KMT2C: variants seen among roughly 807,000 people sequenced by gnomAD.
KMT2C encodes histone-lysine N-methyltransferase 2C.
Under a neutral mutation model 507.9 loss-of-function variants are expected in KMT2C, and 88 were observed. The ratio of observed to expected loss-of-function variants is 0.17; its 90% CI spans 0.15 to 0.21. The LOEUF is 0.21. Among genes scored for constraint, KMT2C ranks in the 10% least tolerant of loss-of-function variants. The pLI is 1.00. For missense variants in KMT2C, 4,954 were observed against 5,957.8 expected, an observed-to-expected ratio of 0.83 and a Z score of 5.55; for synonymous variants, 2,049 against 2,080.8, an observed-to-expected ratio of 0.98 and a Z score of 0.42.
At chr7:152,374,730 C>T (rs2097315602) in intron 1 of KMT2C, among the ~76,000 whole-genome samples, 1 of 151,862 alleles carries the variant, frequency 6.6e-6, no homozygotes, top group East Asian at 1.9e-4. Context: ...GAAACTCTGT[C>T]CCTACTAAAA....
intron 9 of KMT2C, among the ~76,000 whole-genome samples, chr7:152,259,762 A>G (rs952898943): frequency 1.1e-4 from 16 of 152,316 alleles, no homozygotes; most frequent in Non-Finnish European, 1.8e-4. Flanking sequence ...AGCAGCCCCA[A>G]ACTAGACTGA....
At position 152,308,673 on chromosome 7, in the gene KMT2C, C is replaced by CAAAAAAAAAAAAAAA. The variant is rs938826373; in HGVS notation, c.849+1278_849+1292dup. Among the ~76,000 whole-genome samples, 26 of 24,564 alleles carry CAAAAAAAAAAAAAAA rather than the reference C, an allele frequency of 1.1e-3. 2 individuals carry two copies. The highest frequency in any genetic ancestry group is 2.8e-3 in the African/African-American group (19 of 6,728). The allele number at this position is 24,564 out of a possible 152,430, so 16.1% of individuals were successfully genotyped here. A position where few individuals can be genotyped will look rare whatever the true frequency, so the allele number is the denominator to read the frequency against. ...CTGCACAACACAGCAAAACTCCTCT[C>CAAAAAAAAAAAAAAA]AAAAAAAAAAAAAAAAAAAAAAAAA... On this transcript the variant is annotated intron_variant, in intron 6 of 58. Coordinates refer to ENST00000262189, the MANE Select transcript of KMT2C (RefSeq NM_170606.3).
Position 152,181,626 on chromosome 7 carries a change from T to C in KMT2C, c.6234A>G (p.Thr2078=). The C allele has an allele frequency of 6.2e-7, 1 of 1,614,124 alleles. No homozygotes were observed. The highest frequency in any genetic ancestry group is 8.5e-7 in the Non-Finnish European group (1 of 1,180,018). ...GAGAAAAATTATCTATAGGTCTTGGTGTCAAAGCAGGCCTTTCATAAGGGT... is the reference window on the plus strand; with the variant it reads ...GAGAAAAATTATCTATAGGTCTTGGCGTCAAAGCAGGCCTTTCATAAGGGT... The part of the protein sequence containing the change: ...SVDPYERPAL[T]PRPIDNFSHN... The change falls in exon 36 of 59, where the codon ACA becomes ACG. Residue 2078 remains threonine, a synonymous_variant. Transcript: ENST00000262189.
intron 1 of KMT2C, among the ~76,000 whole-genome samples, chr7:152,365,635 C>G (rs759802841): frequency 6.6e-6 from 1 of 152,230 alleles, no homozygotes; most frequent in African/African-American, 2.4e-5. Context: ...ATCCTCCCAC[C>G]TTGGCTTCCC....
chr7:152,189,242 T>C (rs1305315384), intron 31 of KMT2C, among the ~76,000 whole-genome samples: 4 of 152,214 alleles, frequency 2.6e-5, no homozygotes, highest in African/African-American at 4.8e-5. Flanking sequence ...CAACTGTCCA[T>C]ATTGGAGCAG....
chr7:152,290,220 A>G (rs6947995), intron 6 of KMT2C, among the ~76,000 whole-genome samples: 4,622 of 86,246 alleles, frequency 0.054, 255 homozygotes, highest in African/African-American at 0.16. Flanking sequence ...TTATATATAT[A>G]TGTGTGTGTG....
chr7:152,342,207 A>G (rs1393502263), intron 2 of KMT2C, among the ~76,000 whole-genome samples: 1 of 152,236 alleles, frequency 6.6e-6, no homozygotes, highest in African/African-American at 2.4e-5. Context: ...CCAGAAGATA[A>G]TCTAAGATTT....
intron 1 of KMT2C, among the ~76,000 whole-genome samples, chr7:152,371,670 G>A (rs968484993): frequency 6.6e-5 from 10 of 151,752 alleles, no homozygotes; most frequent in South Asian, 4.2e-4. Context: ...CTGGAGTGCA[G>A]TGGCATGATC....
chr7:152,347,911 A>T (rs962792146), intron 2 of KMT2C, among the ~76,000 whole-genome samples: 1 of 152,218 alleles, frequency 6.6e-6, no homozygotes, highest in Non-Finnish European at 1.5e-5. Context: ...AAATCCATTT[A>T]TCAGTGCATG....
intron 2 of KMT2C, among the ~76,000 whole-genome samples, chr7:152,341,514 T>C (rs1413034978): frequency 1.3e-5 from 2 of 152,136 alleles, no homozygotes; most frequent in Non-Finnish European, 2.9e-5. Context: ...AAGTGACCCA[T>C]ATGATTTCCA....
At chr7:152,435,253 G>C (rs1206495402) in intron 1 of KMT2C, among the ~76,000 whole-genome samples, 1 of 151,998 alleles carries the variant, frequency 6.6e-6, no homozygotes, top group Non-Finnish European at 1.5e-5. Context: ...GAGTCCGTCC[G>C]GGGACTACCT....
intron 1 of KMT2C, among the ~76,000 whole-genome samples, chr7:152,411,380 C>T (rs922259005): frequency 6.6e-6 from 1 of 151,952 alleles, no homozygotes; most frequent in African/African-American, 2.4e-5. Flanking sequence ...GATCTCATGG[C>T]AGGGCCCACA....
At chr7:152,193,837 G>A (rs1006794810) in intron 31 of KMT2C, among the ~76,000 whole-genome samples, 172 bp downstream of exon 31, 1 of 152,194 alleles carries the variant, frequency 6.6e-6, no homozygotes, top group Non-Finnish European at 1.5e-5. Flanking sequence ...ATTTCAGGGA[G>A]ACCGCTATGT....
chr7:152,252,455 TA>T, intron 10 of KMT2C, 90 bp downstream of exon 10: 1 of 1,040,360 alleles, frequency 9.6e-7, no homozygotes. Flanking sequence ...GCTAGAGTGA[TA>T]AAAACTTAGA....
rs2129200505 is a variant in KMT2C, at chr7:152,311,875, G to C, written c.662C>G (p.Ala221Gly). The change falls in exon 5 of 59, where the codon GCT becomes GGT. Residue 221 changes from alanine to glycine, a missense_variant. Physicochemically the swap from Ala to Gly is moderately conservative, Grantham distance 60 (BLOSUM62 0). Coordinates refer to ENST00000262189, the MANE Select transcript of KMT2C (RefSeq NM_170606.3). ...ACTGAGTTCATCCCACAGTTTACCA[G>C]CTTGATCATCTGAAGCTGTCTGGGT... ...VSTQTASDDQ[A>G]GKLWDELSLV... 4 of 1,611,664 alleles carry C rather than the reference G, an allele frequency of 2.5e-6. No homozygotes were observed. Among genetic ancestry groups the C allele is most frequent in the Non-Finnish European group, 1.7e-6 (2 of 1,178,136 alleles).
At chr7:152,272,126 C>G (rs1297513971) in intron 7 of KMT2C, among the ~76,000 whole-genome samples, 1 of 152,118 alleles carries the variant, frequency 6.6e-6, no homozygotes, top group African/African-American at 2.4e-5. Flanking sequence ...TGGAAAAAGG[C>G]AGAGTACTCA....
At chr7:152,346,134 C>A (rs1333231391) in intron 2 of KMT2C, among the ~76,000 whole-genome samples, 1 of 152,102 alleles carries the variant, frequency 6.6e-6, no homozygotes, top group African/African-American at 2.4e-5. Flanking sequence ...AAGAGATGAA[C>A]CCACTATTAT....
rs2097911586 is a variant in KMT2C, at chr7:152,435,724, C to T, written c.63G>A (p.Glu21=). The T allele has an allele frequency of 6.5e-7, 1 of 1,532,722 alleles. No individual in the cohort carries two copies. The highest frequency in any genetic ancestry group is 8.8e-7 in the Non-Finnish European group (1 of 1,138,898). 94.9% of individuals were successfully genotyped at this position (1,532,722 alleles called of 1,614,324 possible). Residue 21 remains glutamate (E), a synonymous_variant, in exon 1 of 59, where the codon GAG becomes GAA. Coordinates refer to ENST00000262189, the MANE Select transcript of KMT2C (RefSeq NM_170606.3). ...CGGGGCTCGGGGCCGGGGCTCCAGG[C>T]TCCTCGGGGGGTGGTGGCGGCGGCT... ...QPQPPPPPPE[E]PGAPAPSPAA...
chr7:152,355,299 C>T (rs185565833), intron 2 of KMT2C, among the ~76,000 whole-genome samples: 62 of 152,096 alleles, frequency 4.1e-4, no homozygotes, highest in Non-Finnish European at 6.2e-4. Context: ...CAAAAATTTC[C>T]AGAGAGGACA....
Sources: allele counts gnomAD v4.1 joint callset (sites outside exome capture counted in the v4.1 genomes callset), GRCh38; gene constraint gnomAD v4.1.1; transcripts MANE v1.5; gene names NCBI Gene and HGNC (gene_info 2026-07-23, HGNC 2026-07-21).